Variants in TTC34 observed in about 807,000 individuals in gnomAD.
TTC34 encodes the protein tetratricopeptide repeat domain 34.
Under a neutral mutation model 40.7 loss-of-function variants are expected in TTC34, and 44 were observed. The observed-to-expected ratio is 1.08, with a 90% CI of 0.85 to 1.39. The LOEUF (loss-of-function observed/expected upper bound fraction) is 1.39, where lower values mean the gene tolerates loss of function less well. Among genes scored for constraint, TTC34 ranks in the 40% most tolerant of loss-of-function variants. The pLI is 0.00. For synonymous variants in TTC34, 422 were observed against 398.6 expected, an observed-to-expected ratio of 1.06 and a Z score of -0.70; for missense variants, 884 against 838.0, an observed-to-expected ratio of 1.05 and a Z score of -0.68.
chr1:2,753,049 C>T (rs1641377314), intron 6 of TTC34, among the ~76,000 whole-genome samples: 4 of 150,602 alleles, frequency 2.7e-5, no homozygotes, highest in East Asian at 2.0e-4. Flanking sequence ...GGAGCAGCAC[C>T]CACACCCCCA....
chr1:2,639,659 T>C (rs936411812), exon 9 of TTC34: 4 of 152,300 alleles, frequency 2.6e-5, no homozygotes, highest in African/African-American at 9.7e-5. Context: ...AGGCGGAAGA[T>C]GGATCAAATT....
At chr1:2,684,758 C>A (rs1361653581) in intron 6 of TTC34, among the ~76,000 whole-genome samples, 2 of 132,382 alleles carry the variant, frequency 1.5e-5, no homozygotes. Flanking sequence ...CACCAAAAAC[C>A]CCAGGTGAGC....
intron 6 of TTC34, among the ~76,000 whole-genome samples, chr1:2,755,771 A>G (rs1167814160): frequency 3.8e-4 from 20 of 52,302 alleles, no homozygotes; most frequent in South Asian, 3.0e-3. Context: ...ACAGCCTGGA[A>G]CGGCACCCAC....
intron 6 of TTC34, among the ~76,000 whole-genome samples, chr1:2,673,381 G>T (rs1375882978): frequency 1.5e-5 from 1 of 68,284 alleles, no homozygotes. Flanking sequence ...TGAGGGCCTG[G>T]GTCGGCACCC....
chr1:2,684,558 C>G (rs1314620358), intron 6 of TTC34, among the ~76,000 whole-genome samples: 2 of 144,338 alleles, frequency 1.4e-5, no homozygotes, highest in Non-Finnish European at 3.0e-5. Context: ...CTCCCACAAC[C>G]CCAGGTGAGC....
intron 3 of TTC34, 74 bp from the exon 4 acceptor site, chr1:2,787,780 G>A (rs963949561): frequency 7.9e-7 from 1 of 1,270,590 alleles, no homozygotes; most frequent in African/African-American, 1.5e-5. Flanking sequence ...TTGGGCAGTG[G>A]GGAAATCCCG....
chr1:2,680,873 A>C, intron 6 of TTC34, among the ~76,000 whole-genome samples: 2 of 120,284 alleles, frequency 1.7e-5, no homozygotes, highest in Admixed American at 8.3e-5. Flanking sequence ...GCCCCACGCG[A>C]GCATCTGACA....
At chr1:2,749,023 C>T (rs1569684674) in intron 6 of TTC34, among the ~76,000 whole-genome samples, 4 of 139,034 alleles carry the variant, frequency 2.9e-5, no homozygotes, top group Admixed American at 7.1e-5. Context: ...CATCTGACAG[C>T]CTGGAACAGC....
exon 5 of TTC34, chr1:2,786,018 C>T: frequency 6.8e-7 from 1 of 1,466,672 alleles, no homozygotes; most frequent in Non-Finnish European, 9.1e-7. Flanking sequence ...CCAGCTTCTT[C>T]ACCAACTGCA....
chr1:2,784,607 C>T (rs931681278), intron 5 of TTC34, among the ~76,000 whole-genome samples: 2 of 152,126 alleles, frequency 1.3e-5, no homozygotes, highest in African/African-American at 4.8e-5. Flanking sequence ...AGCCCTTATG[C>T]GGGTGTGACA....
At chr1:2,684,775 C>G (rs1200032657) in intron 6 of TTC34, among the ~76,000 whole-genome samples, 2 of 113,472 alleles carry the variant, frequency 1.8e-5, no homozygotes, top group South Asian at 6.1e-4. Context: ...GAGCATCTGA[C>G]GGCCTGGAAC....
In TTC34 at chr1:2,643,065, G is replaced by C. The variant is rs549850234; in HGVS notation, c.2713-1170C>G. Reference sequence around the variant, plus strand: ...CGGCCCGCGCAGGACCCGCACATTTGGGCCGGGTCCATGGCAGCAGGAGGG... The same window carrying C: ...CGGCCCGCGCAGGACCCGCACATTTCGGCCGGGTCCATGGCAGCAGGAGGG... On this transcript the variant is annotated intron_variant, in intron 8 of 8. Coordinates refer to ENST00000401095, the Ensembl canonical transcript of TTC34. 5.7e-3 allele frequency among the ~76,000 whole-genome samples: 864 copies of C among 152,262 alleles called. 7 individuals are homozygous for C. The highest frequency in any genetic ancestry group is 0.019 in the African/African-American group (810 of 41,570).
chr1:2,790,184 C>T (rs1034477692), exon 3 of TTC34: 6 of 398,316 alleles, frequency 1.5e-5, no homozygotes, highest in African/African-American at 1.2e-4. Context: ...AGCCCGGACG[C>T]GCTCCTGGTC....
chr1:2,783,548 G>T, intron 6 of TTC34, 61 bp downstream of exon 6: 1 of 1,309,534 alleles, frequency 7.6e-7, no homozygotes. Flanking sequence ...GGTGGAGGAA[G>T]GCAGCTCCCT....
At position 2,783,561 on chromosome 1, in the gene TTC34, GT is replaced by G. The variant is rs982962635; in HGVS notation, c.2226+47del. 13 of 1,320,720 alleles carry G rather than the reference GT, an allele frequency of 9.8e-6. No homozygotes were observed. The African/African-American group carries it at 1.8e-4, about 18-fold the overall frequency. The allele number at this position is 1,320,720 out of a possible 1,614,324, so 81.8% of individuals were successfully genotyped here. ...GGGGTGGAGGAAGGCAGCTCCCTGGGTCCCCCACCCGTGCTTGCCCAGGCCC... is the reference window on the plus strand; with the variant it reads ...GGGGTGGAGGAAGGCAGCTCCCTGGGCCCCCACCCGTGCTTGCCCAGGCCC... On this transcript the variant is annotated intron_variant, in intron 6 of 8. Coordinates refer to ENST00000401095, the Ensembl canonical transcript of TTC34.
At chr1:2,655,474 T>G (rs56762197) in intron 6 of TTC34, among the ~76,000 whole-genome samples, 2,719 of 80,060 alleles carry the variant, frequency 0.034, no homozygotes, top group Middle Eastern at 0.1. Context: ...GCATCTGATA[T>G]CCTGGAACAG....
Position 2,645,579 on chromosome 1 carries a change from G to T in TTC34, c.2227-16C>A. 3.5e-6 allele frequency: 5 copies of T among 1,428,434 alleles called. No homozygotes were observed. Among genetic ancestry groups the T allele is most frequent in the Non-Finnish European group, 4.6e-6 (5 of 1,091,102 alleles). The allele number at this position is 1,428,434 out of a possible 1,614,324, so 88.5% of individuals were successfully genotyped here. On this transcript the variant is annotated splice_polypyrimidine_tract_variant and intron_variant, in intron 6 of 8. Coordinates refer to ENST00000401095, the Ensembl canonical transcript of TTC34. The surrounding 1 kb of genome is among the most constrained non-coding windows in gnomAD (Gnocchi z 4.7). ...CCACGGCTTCCTGCAAGGAGGGAGGGCGGGCGGGTGCAGAGTTGTCCTAAG... is the reference window on the plus strand; with the variant it reads ...CCACGGCTTCCTGCAAGGAGGGAGGTCGGGCGGGTGCAGAGTTGTCCTAAG...
intron 6 of TTC34, among the ~76,000 whole-genome samples, chr1:2,680,135 C>CAA (rs1640014458): frequency 9.3e-6 from 1 of 107,262 alleles, no homozygotes; most frequent in African/African-American, 2.8e-5. Context: ...GGAGCAGCAC[C>CAA]CATAGCCCAA....
intron 6 of TTC34, among the ~76,000 whole-genome samples, chr1:2,694,851 G>T (rs1193799002): frequency 3.1e-5 from 1 of 32,658 alleles, no homozygotes; most frequent in African/African-American, 9.5e-5. Context: ...AGCATCTGAT[G>T]GTCTGGAGCA....
Sources: gnomAD v4.1 joint callset for allele counts (sites outside exome capture counted in the v4.1 genomes callset) on GRCh38, gnomAD v4.1.1 for gene constraint, Gnocchi (gnomAD v3.1) non-coding constraint, MANE v1.5 for transcripts, NCBI Gene and HGNC (gene_info 2026-07-23, HGNC 2026-07-21) for gene names.